CATSPERB: variants seen among roughly 807,000 people sequenced by gnomAD.
CATSPERB encodes the protein catsper channel auxiliary subunit beta.
A neutral mutation model predicts 128.3 loss-of-function variants in CATSPERB; 93 were observed. The ratio of observed to expected loss-of-function variants is 0.72; its 90% CI spans 0.61 to 0.86. The LOEUF (loss-of-function observed/expected upper bound fraction) is 0.86. Ranked by LOEUF, CATSPERB falls within the 40% of genes least tolerant of loss-of-function variation. CATSPERB has a pLI of 0.00. For synonymous variants in CATSPERB, 381 were observed against 448.8 expected (o/e 0.85, Z 1.91); for missense variants, 1,153 against 1,329.5 (o/e 0.87, Z 2.06).
chr14:91,607,888 G>C (rs1168058549), intron 22 of CATSPERB, among the ~76,000 whole-genome samples: 1 of 152,100 alleles, frequency 6.6e-6, no homozygotes. Flanking sequence ...GCAGGGTGCT[G>C]CTGGGAGTTG....
At chr14:91,704,482 T>G in intron 7 of CATSPERB, 70 bp downstream of exon 7, 1 of 1,474,486 alleles carries the variant, frequency 6.8e-7, no homozygotes. Context: ...TTATTTCTGC[T>G]GCCAGTTAAA....
chr14:91,580,967 T>C lies in CATSPERB; in HGVS notation c.3273A>G (p.Arg1091=), dbSNP rs1445689135. 3 of 1,614,122 alleles carry C rather than the reference T, an allele frequency of 1.9e-6. No individual in the cohort carries two copies. Among genetic ancestry groups the C allele is most frequent in the Non-Finnish European group, 2.5e-6 (3 of 1,180,046 alleles). ...QGIHPWRTFQ[R]WIRRNQEKFS... Reference sequence around the variant, plus strand: ...ACTTCTCTTGGTTTCTTCTAATCCATCTTTGGAATGTCCTCCACGGATGGA... The same window carrying C: ...ACTTCTCTTGGTTTCTTCTAATCCACCTTTGGAATGTCCTCCACGGATGGA... The change falls in exon 27 of 27, where the codon AGA becomes AGG. Residue 1091 remains arginine (R), a synonymous_variant. Coordinates refer to ENST00000256343, the MANE Select transcript of CATSPERB (RefSeq NM_024764.4).
At position 91,659,918 on chromosome 14, in the gene CATSPERB, T is replaced by C. The variant is rs757546471; in HGVS notation, c.1351A>G (p.Ile451Val). ...QLIANFHDDIIKKTFHSFYTS... is the reference protein window; with the variant it reads ...QLIANFHDDIVKKTFHSFYTS... ...TAAAAACTATGAAAAGTCTTCTTTA[T>C]GATATCATCATGAAAGTTAGCTATT... Residue 451 changes from isoleucine to valine, a missense_variant, in exon 15 of 27, where the codon ATA becomes GTA. Physicochemically the swap from Ile to Val is conservative, Grantham distance 29. Coordinates refer to ENST00000256343, the MANE Select transcript of CATSPERB (RefSeq NM_024764.4). 7 of 1,604,564 alleles carry C rather than the reference T, an allele frequency of 4.4e-6. No individual in the cohort carries two copies. In the South Asian group the frequency reaches 7.9e-5, roughly 18 times the overall value.
At chr14:91,663,644 C>CAAAAAAAAAAAAAAAAA (rs34498815) in intron 14 of CATSPERB, among the ~76,000 whole-genome samples, 1 of 86,780 alleles carries the variant, frequency 1.2e-5, no homozygotes, top group Non-Finnish European at 2.2e-5. Flanking sequence ...GACTCCGTCT[C>CAAAAAAAAAAAAAAAAA]AAAAAAAAAA....
In CATSPERB at chr14:91,639,186, G is replaced by C; in HGVS notation, c.1497C>G (p.His499Gln). The part of the protein sequence containing the change: ...TERIFTLYYD[H>Q]LGFLHKLTLG... Reference sequence around the variant, plus strand: ...GAGTCAGCTTATGTAGGAATCCCAAGTGATCATAGTATAATGTGAAAATTC... The same window carrying C: ...GAGTCAGCTTATGTAGGAATCCCAACTGATCATAGTATAATGTGAAAATTC... Residue 499 changes from histidine (H) to glutamine (Q), a missense_variant, in exon 16 of 27, where the codon CAC becomes CAG. Transcript: ENST00000256343. 1.2e-6 allele frequency: 2 copies of C among 1,613,884 alleles called. No homozygotes were observed. The highest frequency in any genetic ancestry group is 1.7e-6 in the Non-Finnish European group (2 of 1,179,840).
At chr14:91,686,814 G>C (rs1162960709) in intron 10 of CATSPERB, among the ~76,000 whole-genome samples, 1 of 152,062 alleles carries the variant, frequency 6.6e-6, no homozygotes, top group African/African-American at 2.4e-5. Context: ...TTATTCATGG[G>C]AGCATTGTTT....
intron 15 of CATSPERB, among the ~76,000 whole-genome samples, chr14:91,640,238 CTTTTT>C (rs1894466624): frequency 1.4e-5 from 2 of 143,364 alleles, no homozygotes; most frequent in Admixed American, 6.8e-5. Context: ...CAATGTCATT[CTTTTT>C]ATTTTTTTAT....
chr14:91,672,405 C>T (rs1895113551), intron 13 of CATSPERB, among the ~76,000 whole-genome samples: 1 of 152,136 alleles, frequency 6.6e-6, no homozygotes, highest in Non-Finnish European at 1.5e-5. Context: ...CCTCAGCCTC[C>T]CGAGTTGCTG....
chr14:91,723,059 T>A lies in CATSPERB; in HGVS notation c.299A>T (p.Asn100Ile). Residue 100 changes from asparagine (N) to isoleucine (I), a missense_variant, in exon 4 of 27, where the codon AAT becomes ATT. Coordinates refer to ENST00000256343, the MANE Select transcript of CATSPERB (RefSeq NM_024764.4). ...ATAAAATGTAATTACCAACGTTAAA[T>A]TAAAGTGGAAGATGCCATTATATGT... ...NSTYNGIFHF[N>I]LTLFSDRILW... 6.7e-7 allele frequency: 1 copy of A among 1,502,232 alleles called. No individual in the cohort carries two copies. Among genetic ancestry groups the A allele is most frequent in the South Asian group, 1.4e-5 (1 of 69,174 alleles). The allele number at this position is 1,502,232 out of a possible 1,614,324, so 93.1% of individuals were successfully genotyped here. A position where few individuals can be genotyped will look rare whatever the true frequency, so the allele number is the denominator to read the frequency against.
chr14:91,612,271 T>C (rs768311206), intron 20 of CATSPERB, among the ~76,000 whole-genome samples: 8 of 152,120 alleles, frequency 5.3e-5, no homozygotes, highest in Non-Finnish European at 8.8e-5. Context: ...TGTACAATAC[T>C]CTATTATTAA....
rs148325445 is a variant in CATSPERB, at chr14:91,659,938, G to T, written c.1331C>A (p.Ala444Asp). The T allele has an allele frequency of 1.2e-6, 2 of 1,601,716 alleles. No homozygotes were observed. Among genetic ancestry groups the T allele is most frequent in the Non-Finnish European group, 1.7e-6 (2 of 1,176,310 alleles). The change falls in exon 15 of 27, where the codon GCT (alanine) becomes GAT (aspartate). Residue 444 changes from alanine to aspartate, a missense_variant. Physicochemically the swap from Ala to Asp is moderately radical, Grantham distance 126 (BLOSUM62 -2). Coordinates refer to ENST00000256343, the MANE Select transcript of CATSPERB (RefSeq NM_024764.4). ...VDGGNTFQLI[A>D]NFHDDIIKKT... is the part of the protein sequence containing the mutation. ...CTTTATGATATCATCATGAAAGTTA[G>T]CTATTAATTGAAAGGTGTTGCCGCC... is the stretch of plus-strand genomic sequence containing the variant.
At chr14:91,648,615 A>G (rs113372841) in intron 15 of CATSPERB, among the ~76,000 whole-genome samples, 18 of 146,980 alleles carry the variant, frequency 1.2e-4, no homozygotes, top group African/African-American at 4.3e-4. Flanking sequence ...TCAATATGAT[A>G]TATTTGTACT....
intron 4 of CATSPERB, among the ~76,000 whole-genome samples, chr14:91,721,152 C>T (rs1896022731): frequency 6.6e-6 from 1 of 152,124 alleles, no homozygotes; most frequent in African/African-American, 2.4e-5. Flanking sequence ...GATAAAATTT[C>T]ATAACCTTGA....
At chr14:91,686,998 T>C (rs553801502) in intron 10 of CATSPERB, among the ~76,000 whole-genome samples, 1 of 152,244 alleles carries the variant, frequency 6.6e-6, no homozygotes, top group South Asian at 2.1e-4. Flanking sequence ...ATGATAATTA[T>C]TGATAAGTGA....
chr14:91,629,095 C>T (rs900407345), intron 17 of CATSPERB, among the ~76,000 whole-genome samples: 2 of 152,022 alleles, frequency 1.3e-5, no homozygotes, highest in African/African-American at 2.4e-5. Flanking sequence ...TTTATAATTG[C>T]TAAAACTTGG....
chr14:91,711,341 C>A (rs1434185524), intron 5 of CATSPERB, among the ~76,000 whole-genome samples: 2 of 152,200 alleles, frequency 1.3e-5, no homozygotes, highest in East Asian at 3.8e-4. Context: ...AGTGATCCTC[C>A]TGCCTCAGCC....
chr14:91,596,212 CT>C (rs893648054), intron 22 of CATSPERB, among the ~76,000 whole-genome samples: 8 of 150,946 alleles, frequency 5.3e-5, no homozygotes, highest in African/African-American at 1.2e-4. Flanking sequence ...ATCCACCCCC[CT>C]TTTTTTTTGA....
chr14:91,598,615 T>G (rs569612544), intron 22 of CATSPERB, among the ~76,000 whole-genome samples: 533 of 152,168 alleles, frequency 3.5e-3, no homozygotes, highest in Non-Finnish European at 6.0e-3. Context: ...TCCCGGCACT[T>G]TGGGAGGCCA....
chr14:91,599,618 A>G (rs1893575796), intron 22 of CATSPERB, among the ~76,000 whole-genome samples: 1 of 152,034 alleles, frequency 6.6e-6, no homozygotes, highest in Non-Finnish European at 1.5e-5. Context: ...AGCCGCAGGA[A>G]GTCCTGACAA....
Sources: allele counts gnomAD v4.1 joint callset (sites outside exome capture counted in the v4.1 genomes callset), GRCh38; gene constraint gnomAD v4.1.1; transcripts MANE v1.5; gene names NCBI Gene and HGNC (gene_info 2026-07-23, HGNC 2026-07-21).